Variants in NHSL1 observed in about 807,000 individuals in gnomAD.
NHSL1 encodes NHS like 1.
A neutral mutation model predicts 95.0 loss-of-function variants in NHSL1; 48 were observed. The observed-to-expected ratio is 0.51, with a 90% CI of 0.40 to 0.64. The LOEUF is 0.64. Among genes scored for constraint, NHSL1 ranks in the 30% least tolerant of loss-of-function variants. The pLI is 0.00. For missense variants in NHSL1, 1,971 were observed against 2,077.7 expected (o/e 0.95, Z 1.00); for synonymous variants, 783 against 833.9 (o/e 0.94, Z 1.05).
intron 1 of NHSL1, among the ~76,000 whole-genome samples, chr6:138,517,997 G>T (rs958030775): frequency 2.0e-5 from 3 of 152,162 alleles, no homozygotes; most frequent in African/African-American, 7.2e-5. Flanking sequence ...TTAGTTCTGT[G>T]GCTGGTTAGG....
chr6:138,545,529 A>T, intron 1 of NHSL1: 2 of 932,862 alleles, frequency 2.1e-6, no homozygotes, highest in Non-Finnish European at 3.0e-6. Context: ...TTTGATTTTT[A>T]CTGGAATCAG....
At chr6:138,436,596 A>G (rs1776116222) in intron 5 of NHSL1, among the ~76,000 whole-genome samples, 1 of 152,270 alleles carries the variant, frequency 6.6e-6, no homozygotes, top group African/African-American at 2.4e-5. Flanking sequence ...TAGAGAATCT[A>G]GCTAGGTTAA....
intron 1 of NHSL1, among the ~76,000 whole-genome samples, chr6:138,686,486 A>T (rs1159210059): frequency 1.3e-5 from 2 of 152,230 alleles, no homozygotes; most frequent in African/African-American, 4.8e-5. Context: ...CTGTCTAAAA[A>T]AATAATAATA....
At chr6:138,623,737 C>T (rs1366398200) in intron 1 of NHSL1, among the ~76,000 whole-genome samples, 2 of 152,130 alleles carry the variant, frequency 1.3e-5, no homozygotes, top group Admixed American at 6.5e-5. Flanking sequence ...TATAGTTTGG[C>T]TGTGTCCCCA....
chr6:138,541,677 A>C (rs1011761297), intron 1 of NHSL1, among the ~76,000 whole-genome samples: 1 of 152,180 alleles, frequency 6.6e-6, no homozygotes, highest in Non-Finnish European at 1.5e-5. Context: ...AACTAAGTTC[A>C]ATTTTGTTTT....
At chr6:138,566,551 C>T (rs548255661) in intron 1 of NHSL1, among the ~76,000 whole-genome samples, 87 of 151,558 alleles carry the variant, frequency 5.7e-4, no homozygotes, top group Admixed American at 1.7e-3. Flanking sequence ...CAATAAGTTG[C>T]TTCTTTTTAT....
chr6:138,637,067 C>G (rs886922609), intron 1 of NHSL1, among the ~76,000 whole-genome samples: 11 of 152,066 alleles, frequency 7.2e-5, no homozygotes, highest in African/African-American at 2.7e-4. Flanking sequence ...ACCAATGGAA[C>G]AGAATAGAGA....
intron 1 of NHSL1, among the ~76,000 whole-genome samples, chr6:138,577,898 C>T (rs936590025): frequency 2.6e-5 from 4 of 152,190 alleles, no homozygotes; most frequent in African/African-American, 9.7e-5. Context: ...ACAGCAAACA[C>T]ATTCCCCATA....
At chr6:138,499,725 G>A (rs1780572110), upstream of NHSL1, among the ~76,000 whole-genome samples, 1 of 152,128 alleles carries the variant, frequency 6.6e-6, no homozygotes, top group Non-Finnish European at 1.5e-5. Context: ...TGAAACAAAT[G>A]TGTTCCCCAT....
At chr6:138,498,706 T>C (rs768576817) in intron 1 of NHSL1, among the ~76,000 whole-genome samples, 2 of 152,186 alleles carry the variant, frequency 1.3e-5, no homozygotes, top group African/African-American at 4.8e-5. Flanking sequence ...CAACAATCAC[T>C]GATCAGTCTA....
intron 1 of NHSL1, among the ~76,000 whole-genome samples, chr6:138,520,144 GAATAA>G (rs1037019687): frequency 4.6e-5 from 7 of 151,782 alleles, no homozygotes; most frequent in Non-Finnish European, 7.4e-5. Flanking sequence ...TGTTTTAAAA[GAATAA>G]AATATAAATC....
intron 3 of NHSL1, among the ~76,000 whole-genome samples, chr6:138,458,694 C>T (rs1380815199): frequency 6.6e-6 from 1 of 151,966 alleles, no homozygotes; most frequent in South Asian, 2.1e-4. Context: ...GGTGTGGTGG[C>T]ATGTGCCTGT....
chr6:138,548,844 A>G (rs1418881305), upstream of NHSL1, among the ~76,000 whole-genome samples: 1 of 151,508 alleles, frequency 6.6e-6, no homozygotes, highest in Non-Finnish European at 1.5e-5. Flanking sequence ...ACAGAAGAAT[A>G]CACAAAATTA....
intron 1 of NHSL1, among the ~76,000 whole-genome samples, chr6:138,658,800 T>G (rs1233776487): frequency 6.6e-6 from 1 of 152,150 alleles, no homozygotes; most frequent in Non-Finnish European, 1.5e-5. Context: ...GTTAACAAAA[T>G]CCACTCTGAT....
intron 7 of NHSL1, among the ~76,000 whole-genome samples, chr6:138,426,726 G>A (rs138616820): frequency 1.3e-5 from 2 of 152,286 alleles, no homozygotes; most frequent in African/African-American, 4.8e-5. Flanking sequence ...CACTAAAGCA[G>A]AGGCTGGGAA....
chr6:138,659,046 C>A (rs1008736949), intron 1 of NHSL1, among the ~76,000 whole-genome samples: 29 of 117,822 alleles, frequency 2.5e-4, no homozygotes, highest in South Asian at 8.8e-4. Context: ...TGTGGACTAT[C>A]TTTTTTTTTT....
intron 1 of NHSL1, among the ~76,000 whole-genome samples, chr6:138,621,010 G>A (rs1171852888): frequency 1.3e-5 from 2 of 152,196 alleles, no homozygotes; most frequent in African/African-American, 4.8e-5. Flanking sequence ...AGGTGCTAGT[G>A]TGGGGGATAA....
At chr6:138,542,720 C>T (rs994417953) in intron 1 of NHSL1, among the ~76,000 whole-genome samples, 5 of 152,172 alleles carry the variant, frequency 3.3e-5, no homozygotes, top group African/African-American at 1.2e-4. Context: ...TTATGTTCCA[C>T]GTAGCTTTAG....
intron 1 of NHSL1, among the ~76,000 whole-genome samples, chr6:138,635,176 T>C (rs943798666): frequency 2.0e-4 from 29 of 148,454 alleles, no homozygotes; most frequent in Admixed American, 4.0e-4. Flanking sequence ...AAAGAAATAA[T>C]AAAAGATCAG....
Sources: gnomAD v4.1 joint callset for allele counts (sites outside exome capture counted in the v4.1 genomes callset) on GRCh38, gnomAD v4.1.1 for gene constraint, MANE v1.5 for transcripts, NCBI Gene and HGNC (gene_info 2026-07-23, HGNC 2026-07-21) for gene names.